Variants in ABAT observed in about 807,000 individuals in gnomAD.
ABAT encodes the protein 4-aminobutyrate aminotransferase.
Under a neutral mutation model 64.6 loss-of-function variants are expected in ABAT, and 45 were observed. The ratio of observed to expected loss-of-function variants is 0.70; its 90% confidence interval spans 0.55 to 0.89. The LOEUF is 0.89. Among genes scored for constraint, ABAT ranks in the 40% least tolerant of loss-of-function variants. ABAT has a pLI of 0.00. For synonymous variants in ABAT, 297 were observed against 250.5 expected, an observed-to-expected ratio of 1.19 and a Z score of -1.75; for missense variants, 633 against 658.4, an observed-to-expected ratio of 0.96 and a Z score of 0.42.
intron 2 of ABAT, among the ~76,000 whole-genome samples, chr16:8,739,591 A>T (rs943696039): frequency 6.6e-6 from 1 of 152,060 alleles, no homozygotes; most frequent in Non-Finnish European, 1.5e-5. Flanking sequence ...GGTGGTGTGC[A>T]CCTGTAATCC....
chr16:8,766,015 T>C (rs1299028562), intron 8 of ABAT, 193 bp from the exon 9 acceptor site: 1 of 593,260 alleles, frequency 1.7e-6, no homozygotes, highest in South Asian at 1.8e-5. Flanking sequence ...GCATTATGTG[T>C]GTTAGTTTCT....
chr16:8,759,813 G>A (rs2059745000), intron 6 of ABAT, among the ~76,000 whole-genome samples: 1 of 152,114 alleles, frequency 6.6e-6, no homozygotes, highest in Non-Finnish European at 1.5e-5. Context: ...CAAAGTCCTG[G>A]GATTACAGGC....
rs564562136 is a variant in ABAT at position 8,693,056 on chromosome 16, T to A, written c.-42+18345T>A. On this transcript the variant is annotated intron_variant, in intron 1 of 15. Transcript: ENST00000268251. The stretch of plus-strand genomic sequence containing the variant: ...TTTAGTAGAGAATGGGGTTTTACCA[T>A]GTTGGCCAGGATGGTCTCGAACTCA... Among the ~76,000 whole-genome samples the A allele has an allele frequency of 2.0e-5, 3 of 151,852 alleles. No individual in the cohort carries two copies. The South Asian group carries it at 6.2e-4, about 31-fold the overall frequency.
At chr16:8,744,340 G>A (rs2059269648) in intron 2 of ABAT, among the ~76,000 whole-genome samples, 1 of 151,954 alleles carries the variant, frequency 6.6e-6, no homozygotes, top group Non-Finnish European at 1.5e-5. Context: ...GTAGGAATAG[G>A]AGCAAGAGAG....
chr16:8,738,273 A>G (rs1331073873), intron 2 of ABAT, among the ~76,000 whole-genome samples: 1 of 152,064 alleles, frequency 6.6e-6, no homozygotes, highest in Non-Finnish European at 1.5e-5. Context: ...GTGAGCCATG[A>G]TCATGCCACA....
At chr16:8,681,650 T>A (rs868805564) in intron 1 of ABAT, among the ~76,000 whole-genome samples, 1 of 151,098 alleles carries the variant, frequency 6.6e-6, no homozygotes, top group Non-Finnish European at 1.5e-5. Flanking sequence ...TCTTTTTTTT[T>A]TTTTTTTTTG....
chr16:8,706,955 T>C (rs2057959200), intron 1 of ABAT, among the ~76,000 whole-genome samples: 1 of 152,130 alleles, frequency 6.6e-6, no homozygotes, highest in Non-Finnish European at 1.5e-5. Flanking sequence ...GCCCTGAGGC[T>C]ACAGAGCTCT....
Position 8,680,984 on chromosome 16 carries a change from A to ATTT in ABAT, c.-42+6282_-42+6284dup, listed in dbSNP as rs35351214. On this transcript the variant is annotated intron_variant, in intron 1 of 15. Transcript: ENST00000268251. ...TTTTTCTTTTTCTTTTTATTTATCT[A>ATTT]TTTTTTTTTTTGAGACAGAGTCTCA... 3.2e-3 allele frequency among the ~76,000 whole-genome samples: 468 copies of ATTT among 145,660 alleles called. 1 individual carries two copies. The highest frequency in any genetic ancestry group is 0.011 in the African/African-American group (452 of 39,974).
intron 4 of ABAT, among the ~76,000 whole-genome samples, chr16:8,749,522 C>T (rs1400195234): frequency 6.7e-6 from 1 of 149,732 alleles, no homozygotes; most frequent in African/African-American, 2.5e-5. Flanking sequence ...CCTCAGCGTC[C>T]CAAGTAGCTG....
intron 1 of ABAT, among the ~76,000 whole-genome samples, chr16:8,678,234 C>G (rs778808365): frequency 6.6e-6 from 1 of 152,062 alleles, no homozygotes; most frequent in Non-Finnish European, 1.5e-5. Context: ...TTTTGTTTTT[C>G]TCTTTAGTAG....
chr16:8,768,501 C>T lies in ABAT; in HGVS notation c.667+245C>T, dbSNP rs2142974865. ...GGAACTCTTGACTCTGTCTTCAAAG[C>T]CTGCGCTGCATCTGTGATTAATCGC... is the stretch of plus-strand genomic sequence containing the variant. On this transcript the variant is annotated intron_variant, in intron 10 of 15. Transcript: ENST00000268251. 2.6e-5 allele frequency among the ~76,000 whole-genome samples: 4 copies of T among 152,298 alleles called. No homozygotes were observed. The South Asian group carries it at 8.3e-4, about 32-fold the overall frequency.
chr16:8,695,637 G>A (rs1040538849), intron 1 of ABAT, among the ~76,000 whole-genome samples: 1 of 152,242 alleles, frequency 6.6e-6, no homozygotes, highest in Non-Finnish European at 1.5e-5. Context: ...CATCGGGTGA[G>A]TGTAGATAAA....
chr16:8,749,002 G>A (rs1313471506), intron 4 of ABAT, among the ~76,000 whole-genome samples: 3 of 151,534 alleles, frequency 2.0e-5, no homozygotes. Context: ...TCCATTCACA[G>A]TTAATGTTAT....
At chr16:8,747,256 C>T (rs1054948174) in intron 3 of ABAT, among the ~76,000 whole-genome samples, 2 of 152,262 alleles carry the variant, frequency 1.3e-5, no homozygotes, top group Admixed American at 1.3e-4. Context: ...CAAATGCCCA[C>T]CTTTCTAATG....
intron 1 of ABAT, among the ~76,000 whole-genome samples, chr16:8,681,458 C>CTT (rs34327953): frequency 0.55 from 72,810 of 133,404 alleles, 20,305 homozygotes; most frequent in East Asian, 0.7. Context: ...AGCCTCTACA[C>CTT]TTTTTTTTTT....
intron 11 of ABAT, among the ~76,000 whole-genome samples, chr16:8,769,574 A>G (rs1596468129): frequency 2.0e-5 from 3 of 150,260 alleles, no homozygotes; most frequent in East Asian, 1.9e-4. Flanking sequence ...AAAAAAAAAA[A>G]AAAAAGAGAG....
chr16:8,722,962 G>T (rs569535797), intron 1 of ABAT: 2 of 945,500 alleles, frequency 2.1e-6, no homozygotes, highest in African/African-American at 3.4e-5. Context: ...GATCCAGCCA[G>T]GCAAGGTGGC....
rs930255442 is a variant in ABAT, at chr16:8,781,543, G to A, written c.*113G>A. The A allele has an allele frequency of 1.0e-5, 15 of 1,494,872 alleles. No individual in the cohort carries two copies. Among genetic ancestry groups the A allele is most frequent in the Non-Finnish European group, 1.4e-5 (15 of 1,087,956 alleles). The allele number at this position is 1,494,872 out of a possible 1,614,324, so 92.6% of individuals were successfully genotyped here. ...GTATCAGAGGTGAATGCACAGTGAA[G>A]GGTGATTTGTGGGGAGGGAGCATTT... On this transcript the variant is annotated 3_prime_UTR_variant, in exon 16 of 16. Coordinates refer to ENST00000268251, the MANE Select transcript of ABAT (RefSeq NM_020686.6). The surrounding 1 kb of genome is among the most constrained non-coding windows in gnomAD (Gnocchi z 4.5).
At chr16:8,778,163 T>A (rs886959706) in intron 14 of ABAT, among the ~76,000 whole-genome samples, 1 of 152,120 alleles carries the variant, frequency 6.6e-6, no homozygotes, top group Non-Finnish European at 1.5e-5. Context: ...TAAGGTGAAA[T>A]CAAGGTCCTC....
Sources: allele counts gnomAD v4.1 joint callset (sites outside exome capture counted in the v4.1 genomes callset), GRCh38; gene constraint gnomAD v4.1.1; non-coding constraint Gnocchi (gnomAD v3.1); transcripts MANE v1.5; gene names NCBI Gene and HGNC (gene_info 2026-07-23, HGNC 2026-07-21).